CCDC171: variants seen among roughly 807,000 people sequenced by gnomAD.
The protein encoded by CCDC171 is coiled-coil domain containing 171, also known as coiled-coil domain-containing protein 171.
In CCDC171, 177 loss-of-function variants were observed where a neutral mutation model predicts 168.2. The ratio of observed to expected loss-of-function variants is 1.05; its 90% CI spans 0.93 to 1.19. The LOEUF is 1.19. Among genes scored for constraint, CCDC171 ranks in the 50% most tolerant of loss-of-function variants. CCDC171 has a pLI of 0.00. For synonymous variants in CCDC171, 687 were observed against 540.8 expected (o/e 1.27, Z -3.75); for missense variants, 1,991 against 1,539.0 (o/e 1.29, Z -4.91).
intron 3 of CCDC171, among the ~76,000 whole-genome samples, chr9:15,994,653 T>G (rs1399922132): frequency 1.3e-5 from 2 of 152,220 alleles, no homozygotes; most frequent in Non-Finnish European, 2.9e-5. Flanking sequence ...TTCACACTGC[T>G]CTAGTCCTTC....
intron 24 of CCDC171, among the ~76,000 whole-genome samples, chr9:15,906,785 GC>G (rs1329391234): frequency 6.6e-6 from 1 of 152,048 alleles, no homozygotes; most frequent in African/African-American, 2.4e-5. Context: ...CATCGTCTCA[GC>G]CCAAAATCTC....
chr9:16,056,361 G>C (rs1833840324), intron 1 of CCDC171, among the ~76,000 whole-genome samples: 1 of 152,192 alleles, frequency 6.6e-6, no homozygotes. Context: ...CTTGAAATGT[G>C]ATTAGTATGA....
intron 7 of CCDC171, among the ~76,000 whole-genome samples, chr9:15,627,038 G>T (rs369103439): frequency 3.3e-5 from 5 of 152,190 alleles, no homozygotes; most frequent in Admixed American, 3.3e-4. Context: ...TCCTGGTTTA[G>T]TCTTGGGAGG....
intron 7 of CCDC171, among the ~76,000 whole-genome samples, chr9:15,655,544 A>G (rs1282260759): frequency 6.6e-6 from 1 of 152,202 alleles, no homozygotes; most frequent in East Asian, 1.9e-4. Flanking sequence ...CTCTTGCCTG[A>G]AAAACTGATA....
intron 7 of CCDC171, among the ~76,000 whole-genome samples, chr9:15,642,669 T>G (rs2046735975): frequency 6.6e-6 from 1 of 152,078 alleles, no homozygotes; most frequent in Non-Finnish European, 1.5e-5. Context: ...GATTTGAAGA[T>G]TTTTTGCTGT....
the CCDC171 span, among the ~76,000 whole-genome samples, chr9:16,068,881 G>A: frequency 2.0e-5 from 3 of 152,102 alleles, no homozygotes; most frequent in African/African-American, 7.2e-5. Context: ...TCAAAGTCTG[G>A]AGGGGTCCCG....
intron 1 of CCDC171, among the ~76,000 whole-genome samples, chr9:16,054,913 G>C (rs1210632064): frequency 6.6e-6 from 1 of 152,186 alleles, no homozygotes; most frequent in East Asian, 1.9e-4. Flanking sequence ...CGCAGGGCGG[G>C]GGGCAGGTGG....
At chr9:15,724,732 T>G (rs1178595259) in intron 13 of CCDC171, 44 bp from the exon 14 acceptor site, 1 of 1,395,068 alleles carries the variant, frequency 7.2e-7, no homozygotes. Flanking sequence ...TCACCCCTTG[T>G]TGGCTGGCCT....
At chr9:15,715,495 C>T (rs2053013137) in intron 11 of CCDC171, among the ~76,000 whole-genome samples, 1 of 152,132 alleles carries the variant, frequency 6.6e-6, no homozygotes, top group Non-Finnish European at 1.5e-5. Flanking sequence ...TGGATTTTAT[C>T]AGGTGAAAAC....
Position 15,958,109 on chromosome 9 carries a change from CTCATCCAT to C in CCDC171, c.3754-13495_3754-13488del, listed in dbSNP as rs1277178697. ...GGATTAGAATAAGTCCATTAACTCACTCATCCATTCATTCATTCATTCATTCATTCATT... is the reference window on the plus strand; with the variant it reads ...GGATTAGAATAAGTCCATTAACTCACTCATTCATTCATTCATTCATTCATT... On this transcript the variant is annotated intron_variant, in intron 25 of 25. Transcript: ENST00000380701. 9.7e-4 allele frequency among the ~76,000 whole-genome samples: 146 copies of C among 150,290 alleles called. 1 individual carries two copies. Among genetic ancestry groups the C allele is most frequent in the African/African-American group, 2.8e-3 (111 of 40,026 alleles).
intron 25 of CCDC171, among the ~76,000 whole-genome samples, chr9:15,964,749 C>T (rs1434804240): frequency 1.3e-5 from 2 of 151,736 alleles, no homozygotes; most frequent in Non-Finnish European, 2.9e-5. Context: ...TAAATGTTCT[C>T]GTGTAATTTA....
intron 1 of CCDC171, among the ~76,000 whole-genome samples, chr9:16,043,236 A>C (rs1355348624): frequency 6.6e-6 from 1 of 152,190 alleles, no homozygotes; most frequent in Non-Finnish European, 1.5e-5. Context: ...TGTGTAATAC[A>C]ACTCTTTCTT....
chr9:15,639,496 G>GT (rs888448791), intron 7 of CCDC171, among the ~76,000 whole-genome samples: 1 of 151,880 alleles, frequency 6.6e-6, no homozygotes, highest in East Asian at 1.9e-4. Context: ...TTATCTGTGG[G>GT]TTTTTTGATT....
intron 1 of CCDC171, among the ~76,000 whole-genome samples, chr9:16,045,195 T>C (rs1833641867): frequency 6.6e-6 from 1 of 152,128 alleles, no homozygotes; most frequent in Non-Finnish European, 1.5e-5. Context: ...GAGACAATGA[T>C]TTGAGTGCAG....
intron 3 of CCDC171, among the ~76,000 whole-genome samples, chr9:16,018,539 A>T (rs939524797): frequency 6.6e-6 from 1 of 152,210 alleles, no homozygotes; most frequent in Non-Finnish European, 1.5e-5. Flanking sequence ...TCGTTTCTTC[A>T]TTGAATGAAT....
chr9:16,024,888 T>C (rs1320672526), intron 6 of CCDC171, among the ~76,000 whole-genome samples: 1 of 152,212 alleles, frequency 6.6e-6, no homozygotes, highest in Non-Finnish European at 1.5e-5. Flanking sequence ...AACCTGCTAT[T>C]TGGATAACCA....
intron 11 of CCDC171, among the ~76,000 whole-genome samples, chr9:15,699,082 G>T (rs1328756636): frequency 8.4e-6 from 1 of 118,434 alleles, no homozygotes; most frequent in East Asian, 2.1e-4. Context: ...GACCCTTGCG[G>T]TGAGCGTTAA....
chr9:15,715,880 G>A (rs531731352), intron 11 of CCDC171, among the ~76,000 whole-genome samples: 35 of 152,282 alleles, frequency 2.3e-4, no homozygotes, highest in African/African-American at 7.9e-4. Context: ...AAAAGGAAAC[G>A]TGTAAATAGA....
chr9:15,639,949 C>T (rs906588688), intron 7 of CCDC171, among the ~76,000 whole-genome samples: 4 of 152,106 alleles, frequency 2.6e-5, no homozygotes, highest in Non-Finnish European at 4.4e-5. Flanking sequence ...TTTGCTTACT[C>T]CTAATGGAAA....
Sources: allele counts gnomAD v4.1 joint callset (sites outside exome capture counted in the v4.1 genomes callset), GRCh38; gene constraint gnomAD v4.1.1; transcripts MANE v1.5; gene names NCBI Gene and HGNC (gene_info 2026-07-23, HGNC 2026-07-21).